Variants in TIMP2 observed in about 807,000 individuals in gnomAD.
TIMP2 encodes TIMP metallopeptidase inhibitor 2.
A neutral mutation model predicts 24.3 loss-of-function variants in TIMP2; 5 were observed. That is an observed-to-expected ratio of 0.21 (90% CI 0.11 to 0.43). The LOEUF is 0.43. Ranked by LOEUF, TIMP2 falls within the 20% of genes least tolerant of loss-of-function variation. The pLI is 1.00. For missense variants in TIMP2, 221 were observed against 297.5 expected (o/e 0.74, Z 1.89); for synonymous variants, 130 against 123.2 (o/e 1.06, Z -0.37).
Position 78,855,912 on chromosome 17 carries a change from G to T in TIMP2, c.466-48C>A, listed in dbSNP as rs780752843. 6.3e-7 allele frequency: 1 copy of T among 1,594,576 alleles called. No individual in the cohort carries two copies. Among genetic ancestry groups the T allele is most frequent in the Admixed American group, 1.7e-5 (1 of 59,950 alleles). On this transcript the variant is annotated intron_variant, in intron 4 of 4. Coordinates refer to ENST00000262768, the MANE Select transcript of TIMP2 (RefSeq NM_003255.5). This position sits in a 1 kb window ranked among gnomAD's most constrained non-coding sequence, Gnocchi z 6.0. Reference sequence around the variant, plus strand: ...GGACGGAGTCAGGGACCCAGGAAGGGGTGGGCAGAGGCTGCTCTGGGGGCA... The same window carrying T: ...GGACGGAGTCAGGGACCCAGGAAGGTGTGGGCAGAGGCTGCTCTGGGGGCA...
rs571336109 is a variant in TIMP2 at position 78,920,022 on chromosome 17, T to A, written c.130+4937A>T. Among the ~76,000 whole-genome samples the A allele has an allele frequency of 6.6e-6, 1 of 152,172 alleles. No individual in the cohort carries two copies. The highest frequency in any genetic ancestry group is 2.4e-5 in the African/African-American group (1 of 41,522). ...TTATCTCCTCCTCCCTGCTGTTGCATCCCTCCTCGCAGCTGCCTGGGAAGC... is the reference window on the plus strand; with the variant it reads ...TTATCTCCTCCTCCCTGCTGTTGCAACCCTCCTCGCAGCTGCCTGGGAAGC... On this transcript the variant is annotated intron_variant, in intron 1 of 4. Transcript: ENST00000262768. The surrounding 1 kb of genome is among the most constrained non-coding windows in gnomAD (Gnocchi z 4.5).
At chr17:78,909,999 C>T (rs1041334181) in intron 1 of TIMP2, among the ~76,000 whole-genome samples, 8 of 151,972 alleles carry the variant, frequency 5.3e-5, no homozygotes, top group African/African-American at 1.9e-4. Context: ...TGGGCTGGGC[C>T]TTTATTTTTA....
intron 2 of TIMP2, among the ~76,000 whole-genome samples, chr17:78,871,478 A>G (rs1308375761): frequency 1.3e-5 from 2 of 151,376 alleles, no homozygotes; most frequent in African/African-American, 2.4e-5. Context: ...AAAGAAAAGA[A>G]AAAGACTTCT....
intron 2 of TIMP2, among the ~76,000 whole-genome samples, chr17:78,872,930 A>C (rs893315397): frequency 3.3e-5 from 5 of 151,920 alleles, no homozygotes; most frequent in South Asian, 2.1e-4. Flanking sequence ...CCCAGGTTTA[A>C]GTGTTCTCCT....
At chr17:78,888,041 C>G (rs1046478195) in intron 1 of TIMP2, among the ~76,000 whole-genome samples, 1 of 152,102 alleles carries the variant, frequency 6.6e-6, no homozygotes, top group African/African-American at 2.4e-5. Context: ...CACATAATAT[C>G]CTTTTTATAA....
At chr17:78,916,119 T>G (rs1369572617) in intron 1 of TIMP2, among the ~76,000 whole-genome samples, 1 of 152,010 alleles carries the variant, frequency 6.6e-6, no homozygotes, top group East Asian at 1.9e-4. Flanking sequence ...GAGCCAGGGT[T>G]TGATGCAGAA....
intron 1 of TIMP2, among the ~76,000 whole-genome samples, chr17:78,875,522 G>A (rs945895076): frequency 2.0e-5 from 3 of 152,176 alleles, no homozygotes; most frequent in African/African-American, 4.8e-5. Context: ...ACTTGGGCAG[G>A]GTTGGGTAGA....
rs904864000 is a variant in TIMP2 at position 78,896,137 on chromosome 17, T to A, written c.131-22218A>T. On this transcript the variant is annotated intron_variant, in intron 1 of 4. Transcript: ENST00000262768. This position sits in a 1 kb window ranked among gnomAD's most constrained non-coding sequence, Gnocchi z 4.4. ...CGATCCCCGCTCTGACACCATCAGA[T>A]GCAACCTCGTCCCCGCTACCCCAGC... is the stretch of plus-strand genomic sequence containing the variant. 1.3e-5 allele frequency among the ~76,000 whole-genome samples: 2 copies of A among 152,222 alleles called. No homozygotes were observed. Among genetic ancestry groups the A allele is most frequent in the African/African-American group, 4.8e-5 (2 of 41,458 alleles).
At chr17:78,873,093 C>T (rs1285548596) in intron 2 of TIMP2, among the ~76,000 whole-genome samples, 1 of 151,996 alleles carries the variant, frequency 6.6e-6, no homozygotes, top group African/African-American at 2.4e-5. Flanking sequence ...GGACTATACT[C>T]ATGAGACACT....
chr17:78,906,862 C>T (rs191022250), intron 1 of TIMP2, among the ~76,000 whole-genome samples: 73 of 152,228 alleles, frequency 4.8e-4, no homozygotes, highest in African/African-American at 1.1e-3. Context: ...GGATTACAGG[C>T]GTGAGCCACC....
intron 1 of TIMP2, among the ~76,000 whole-genome samples, chr17:78,909,827 C>T (rs953137994): frequency 6.6e-6 from 1 of 152,012 alleles, no homozygotes; most frequent in African/African-American, 2.4e-5. Context: ...GGACCCAGGC[C>T]GGGCACTGTG....
rs769783337 is a variant in TIMP2 at position 78,891,619 on chromosome 17, G to A, written c.131-17700C>T. 6.4e-7 allele frequency: 1 copy of A among 1,550,812 alleles called. No homozygotes were observed. The highest frequency in any genetic ancestry group is 2.0e-5 in the Admixed American group (1 of 50,986). ...TCCCCTCCAGACTCTGTCCCTGAGA[G>A]CGACTGGTCAGGGCTGGAACAAAGC... On this transcript the variant is annotated intron_variant, in intron 1 of 4. Coordinates refer to ENST00000262768, the MANE Select transcript of TIMP2 (RefSeq NM_003255.5). This position sits in a 1 kb window ranked among gnomAD's most constrained non-coding sequence, Gnocchi z 4.5.
At chr17:78,911,852 C>T (rs375675517) in intron 1 of TIMP2, among the ~76,000 whole-genome samples, 1 of 149,472 alleles carries the variant, frequency 6.7e-6, no homozygotes, top group African/African-American at 2.5e-5. Context: ...TCAAGACCAG[C>T]CAGGCCAACA....
chr17:78,879,395 G>T (rs2069758473), intron 1 of TIMP2, among the ~76,000 whole-genome samples: 2 of 152,230 alleles, frequency 1.3e-5, no homozygotes, highest in Admixed American at 6.5e-5. Flanking sequence ...GCCATGTGAA[G>T]AACAGGGCTG....
At chr17:78,899,358 T>TTACA (rs2070053879) in intron 1 of TIMP2, 2 of 152,300 alleles carry the variant, frequency 1.3e-5, no homozygotes, top group South Asian at 4.1e-4. Context: ...GAGACCTGGG[T>TTACA]TACATTTCAG....
At chr17:78,871,406 G>A (rs2069682561) in intron 2 of TIMP2, among the ~76,000 whole-genome samples, 1 of 146,028 alleles carries the variant, frequency 6.8e-6, no homozygotes, top group Admixed American at 6.9e-5. Context: ...GAGCTGAGAT[G>A]GCGCCACTGT....
intron 1 of TIMP2, among the ~76,000 whole-genome samples, chr17:78,909,479 C>G (rs921797895): frequency 1.3e-5 from 2 of 151,472 alleles, no homozygotes; most frequent in Non-Finnish European, 2.9e-5. Context: ...ATGACCCCCC[C>G]ACCCAGTCCT....
At chr17:78,892,599 C>T in intron 1 of TIMP2, 1 of 1,287,834 alleles carries the variant, frequency 7.8e-7, no homozygotes, top group Non-Finnish European at 1.0e-6. Context: ...GACCCGTGCC[C>T]ACCAGGGCCC....
Position 78,857,115 on chromosome 17 carries a change from A to G in TIMP2, c.465+407T>C, listed in dbSNP as rs563855749. ...GCAATTCTTAAGCCTCATCCTCCCA[A>G]GTTGCTGGGATCACAGGCGTGCACC... is the stretch of plus-strand genomic sequence containing the variant. On this transcript the variant is annotated intron_variant, in intron 4 of 4. Coordinates refer to ENST00000262768, the MANE Select transcript of TIMP2 (RefSeq NM_003255.5). The G allele has an allele frequency of 1.7e-5, 3 of 178,336 alleles. No homozygotes were observed. In the East Asian group the frequency reaches 4.6e-4, roughly 27 times the overall value. The allele number at this position is 178,336 out of a possible 1,614,324, so 11.0% of individuals were successfully genotyped here.
Sources: allele counts gnomAD v4.1 joint callset (sites outside exome capture counted in the v4.1 genomes callset), GRCh38; gene constraint gnomAD v4.1.1; non-coding constraint Gnocchi (gnomAD v3.1); transcripts MANE v1.5; gene names NCBI Gene and HGNC (gene_info 2026-07-23, HGNC 2026-07-21).